Variants in ZNF486 observed in about 807,000 individuals in gnomAD.
ZNF486 encodes the protein KRAB box only protein 2.
In ZNF486, 12 loss-of-function variants were observed where a neutral mutation model predicts 12.8. That is an observed-to-expected ratio of 0.94 (90% CI 0.60 to 1.52). The LOEUF (loss-of-function observed/expected upper bound fraction) is 1.52, where lower values mean the gene tolerates loss of function less well. Ranked by LOEUF, ZNF486 falls within the 40% of genes most tolerant of loss-of-function variation. ZNF486 has a pLI of 0.00. For synonymous variants in ZNF486, 231 were observed against 184.9 expected (o/e 1.25, Z -2.02); for missense variants, 738 against 545.0 (o/e 1.35, Z -3.53).
intron 1 of ZNF486, among the ~76,000 whole-genome samples, chr19:20,170,144 G>T (rs2089633418): frequency 6.6e-6 from 1 of 151,740 alleles, no homozygotes; most frequent in African/African-American, 2.4e-5. Context: ...TGATCCGCCC[G>T]CCTCGGCCTC....
At chr19:20,174,394 TTTC>T (rs1286530553) in intron 1 of ZNF486, among the ~76,000 whole-genome samples, 5 of 148,252 alleles carry the variant, frequency 3.4e-5, no homozygotes, top group South Asian at 2.1e-4. Context: ...TCTTTCTTTC[TTTC>T]TTCTTTTTTT....
At chr19:20,170,464 G>A (rs181624864) in intron 1 of ZNF486, among the ~76,000 whole-genome samples, 1 of 152,022 alleles carries the variant, frequency 6.6e-6, no homozygotes, top group East Asian at 2.0e-4. Flanking sequence ...CTACTTGGGA[G>A]GCTGAGGCAG....
rs1202491979 is a variant in ZNF486 at position 20,197,304 on chromosome 19, T to A, written c.594T>A (p.Thr198=). 1.2e-6 allele frequency: 2 copies of A among 1,612,334 alleles called. No individual in the cohort carries two copies. The highest frequency in any genetic ancestry group is 1.7e-6 in the Non-Finnish European group (2 of 1,179,418). ...CTTTTAACCAGTCCTCAACCCATAC[T>A]ACACATAAAAAAATTGATACTGGAG... ...DKAFNQSSTH[T]THKKIDTGEK... The change falls in exon 4 of 4, where the codon ACT becomes ACA. Residue 198 remains threonine (T), a synonymous_variant. Transcript: ENST00000335117.
intron 3 of ZNF486, among the ~76,000 whole-genome samples, chr19:20,196,536 G>T (rs2089959997): frequency 6.6e-6 from 1 of 152,060 alleles, no homozygotes. Flanking sequence ...CACCATCTTG[G>T]CCAGGATGGC....
In ZNF486 at chr19:20,197,699, C is replaced by G. The variant is rs1288391520; in HGVS notation, c.989C>G (p.Ala330Gly). 4.3e-6 allele frequency: 7 copies of G among 1,613,292 alleles called. No individual in the cohort carries two copies. In the Admixed American group the frequency reaches 6.7e-5, roughly 15 times the overall value. ...TACACGTGTGATAAATGTGGCAAAG[C>G]CTTTATTTCATCCTCGATCCTTAGT... ...KPYTCDKCGK[A>G]FISSSILSKH... Residue 330 changes from alanine to glycine, a missense_variant, in exon 4 of 4, where the codon GCC (alanine) becomes GGC (glycine). Ala to Gly is a moderately conservative substitution (Grantham distance 60). Coordinates refer to ENST00000335117, the MANE Select transcript of ZNF486 (RefSeq NM_052852.4).
At position 20,194,962 on chromosome 19, in the gene ZNF486, G is replaced by A. The variant is rs1326540213; in HGVS notation, c.254-2002G>A. ...AGTTTTTTATATTTTTTATATCCAC[G>A]ATTTTCGGTTTTTTGGTATTTTAGT... On this transcript the variant is annotated intron_variant, in intron 3 of 3. Coordinates refer to ENST00000335117, the MANE Select transcript of ZNF486 (RefSeq NM_052852.4). 3.3e-5 allele frequency among the ~76,000 whole-genome samples: 5 copies of A among 151,508 alleles called. No homozygotes were observed. In the East Asian group the frequency reaches 5.8e-4, roughly 18 times the overall value.
In ZNF486 at chr19:20,184,536, C is replaced by T. The variant is rs989679163; in HGVS notation, c.157+54C>T. 19 of 1,518,844 alleles carry T rather than the reference C, an allele frequency of 1.3e-5. No individual in the cohort carries two copies. The African/African-American group carries it at 2.1e-4, about 17-fold the overall frequency. The allele number at this position is 1,518,844 out of a possible 1,614,324, so 94.1% of individuals were successfully genotyped here. A position where few individuals can be genotyped will look rare whatever the true frequency, so the allele number is the denominator to read the frequency against. On this transcript the variant is annotated intron_variant, in intron 2 of 3. Transcript: ENST00000335117. ...AAAAAACCCCAAAAGTTTTATTTCTCTTTTTTGCAGAATGATTTTAGTAAT... is the reference window on the plus strand; with the variant it reads ...AAAAAACCCCAAAAGTTTTATTTCTTTTTTTTGCAGAATGATTTTAGTAAT...
chr19:20,194,683 G>C (rs149479090), intron 3 of ZNF486, among the ~76,000 whole-genome samples: 2 of 151,906 alleles, frequency 1.3e-5, no homozygotes, highest in South Asian at 4.2e-4. Context: ...AGCCAAGATT[G>C]CATCATTGCA....
intron 3 of ZNF486, among the ~76,000 whole-genome samples, chr19:20,191,685 G>T (rs1599714660): frequency 6.6e-6 from 1 of 151,952 alleles, no homozygotes; most frequent in African/African-American, 2.4e-5. Context: ...CAGGAGAATG[G>T]CGTGAACCTG....
At chr19:20,172,312 T>A (rs1231628958) in intron 1 of ZNF486, among the ~76,000 whole-genome samples, 2 of 65,858 alleles carry the variant, frequency 3.0e-5, no homozygotes, top group Non-Finnish European at 4.6e-5. Flanking sequence ...TTTTGCCTAC[T>A]TTTTTTTTTT....
intron 1 of ZNF486, among the ~76,000 whole-genome samples, chr19:20,183,535 ACTTT>A (rs1555715878): frequency 3.3e-5 from 5 of 152,148 alleles, no homozygotes; most frequent in Non-Finnish European, 2.9e-5. Context: ...GATTTTATTT[ACTTT>A]CTTTGGGAGG....
At chr19:20,181,260 C>A (rs529864313) in intron 1 of ZNF486, among the ~76,000 whole-genome samples, 2 of 152,264 alleles carry the variant, frequency 1.3e-5, no homozygotes, top group East Asian at 1.9e-4. Context: ...GAAAAATAGT[C>A]CGGGCGCGGT....
chr19:20,194,946 T>A (rs891379590), intron 3 of ZNF486, among the ~76,000 whole-genome samples: 1 of 152,146 alleles, frequency 6.6e-6, no homozygotes, highest in Non-Finnish European at 1.5e-5. Flanking sequence ...CAGTTTTTTA[T>A]ATTTTTTATA....
intron 1 of ZNF486, among the ~76,000 whole-genome samples, chr19:20,178,156 GACCTCA>G (rs2089743657): frequency 6.6e-6 from 1 of 151,682 alleles, no homozygotes; most frequent in African/African-American, 2.4e-5. Flanking sequence ...TAGAACTCTT[GACCTCA>G]GGTGATCCAC....
At chr19:20,168,699 T>C (rs766211880) in intron 1 of ZNF486, among the ~76,000 whole-genome samples, 2 of 152,174 alleles carry the variant, frequency 1.3e-5, no homozygotes, top group African/African-American at 2.4e-5. Context: ...TTCCTTTATG[T>C]AAACACTGTT....
intron 3 of ZNF486, among the ~76,000 whole-genome samples, chr19:20,193,001 CTTAA>C (rs2089917154): frequency 6.6e-6 from 1 of 151,802 alleles, no homozygotes; most frequent in East Asian, 1.9e-4. Context: ...GTTTTACTTT[CTTAA>C]TTTTCATTTT....
intron 3 of ZNF486, among the ~76,000 whole-genome samples, chr19:20,187,957 C>T (rs1234013389): frequency 1.3e-5 from 2 of 152,074 alleles, no homozygotes; most frequent in Non-Finnish European, 2.9e-5. Context: ...TGGCTTGTTA[C>T]AGGGGCTTGG....
At chr19:20,169,444 TG>T (rs1380912813) in intron 1 of ZNF486, among the ~76,000 whole-genome samples, 1 of 152,084 alleles carries the variant, frequency 6.6e-6, no homozygotes, top group Admixed American at 6.6e-5. Flanking sequence ...TAGTTTTTTC[TG>T]GGGAGCCTCG....
intron 1 of ZNF486, among the ~76,000 whole-genome samples, chr19:20,175,562 G>GT (rs1432460220): frequency 2.6e-4 from 39 of 151,584 alleles, no homozygotes; most frequent in African/African-American, 9.0e-4. Context: ...TCAAGCATCT[G>GT]TTTAACAAAG....
Sources: gnomAD v4.1 joint callset for allele counts (sites outside exome capture counted in the v4.1 genomes callset) on GRCh38, gnomAD v4.1.1 for gene constraint, MANE v1.5 for transcripts, NCBI Gene and HGNC (gene_info 2026-07-23, HGNC 2026-07-21) for gene names.